DPH6: variants seen among roughly 807,000 people sequenced by gnomAD.
DPH6 encodes the protein diphthamine biosynthesis 6, also known as diphthine--ammonia ligase.
A neutral mutation model predicts 38.2 loss-of-function variants in DPH6; 33 were observed. The ratio of observed to expected loss-of-function variants is 0.86; its 90% CI spans 0.65 to 1.15. The LOEUF (loss-of-function observed/expected upper bound fraction) is 1.15. DPH6 is among the 50% of genes most tolerant of loss of function. The probability of loss-of-function intolerance (pLI) is 0.00; values close to 1 mark genes in which losing one functional copy is unlikely to be tolerated. For synonymous variants in DPH6, 108 were observed against 103.0 expected (o/e 1.05, Z -0.30); for missense variants, 325 against 320.0 (o/e 1.02, Z -0.12).
At chr15:35,426,691 A>T (rs2053574098) in intron 5 of DPH6, among the ~76,000 whole-genome samples, 2 of 151,792 alleles carry the variant, frequency 1.3e-5, no homozygotes, top group Non-Finnish European at 1.5e-5. Flanking sequence ...TGAGACTTCA[A>T]AAAGTATATG....
chr15:35,408,009 A>G (rs899747494), intron 6 of DPH6, among the ~76,000 whole-genome samples: 7 of 152,034 alleles, frequency 4.6e-5, no homozygotes, highest in African/African-American at 1.7e-4. Flanking sequence ...ATGGCAGGGC[A>G]ATGGTGGAAG....
chr15:35,420,591 A>G (rs377130126), intron 5 of DPH6, among the ~76,000 whole-genome samples: 1 of 152,152 alleles, frequency 6.6e-6, no homozygotes, highest in South Asian at 2.1e-4. Flanking sequence ...ACCTCAGCCC[A>G]CTGCAACCTC....
intron 3 of DPH6, among the ~76,000 whole-genome samples, chr15:35,525,019 T>C (rs1353545660): frequency 6.6e-6 from 1 of 152,186 alleles, no homozygotes; most frequent in African/African-American, 2.4e-5. Context: ...ATACTTCTTA[T>C]GGACAGGGCA....
In DPH6 at chr15:35,227,958, A is replaced by T. The variant is rs190514833; in HGVS notation, n.201-7376T>A. ...CCAAAATTTCTCATTATTGACTTCT[A>T]GTTTTATTCCATTGTGGTCACAGAA... On this transcript the variant is annotated intron_variant and non_coding_transcript_variant, in intron 3 of 3. Coordinates refer to the DPH6 transcript ENST00000560386. Among the ~76,000 whole-genome samples, 332 of 152,160 alleles carry T rather than the reference A, an allele frequency of 2.2e-3. 1 individual carries two copies. Among genetic ancestry groups the T allele is most frequent in the Non-Finnish European group, 3.7e-3 (249 of 67,982 alleles).
At chr15:35,335,130 G>C (rs2052359218) in intron 3 of DPH6, among the ~76,000 whole-genome samples, 1 of 152,134 alleles carries the variant, frequency 6.6e-6, no homozygotes, top group African/African-American at 2.4e-5. Flanking sequence ...CTGTGGTTTT[G>C]ATTTGCATTT....
intron 3 of DPH6, among the ~76,000 whole-genome samples, chr15:35,474,921 A>G (rs1215810644): frequency 2.6e-5 from 4 of 152,058 alleles, no homozygotes; most frequent in African/African-American, 9.7e-5. Context: ...AATTAAAGAA[A>G]TCAATAATAA....
At chr15:35,544,670 CAT>C (rs2055317511) in intron 1 of DPH6, among the ~76,000 whole-genome samples, 1 of 152,140 alleles carries the variant, frequency 6.6e-6, no homozygotes, top group Admixed American at 6.5e-5. Flanking sequence ...ATACTTACAG[CAT>C]ATGTCCTTAC....
intron 3 of DPH6, among the ~76,000 whole-genome samples, chr15:35,238,438 T>C (rs902998893): frequency 5.3e-5 from 8 of 152,188 alleles, no homozygotes; most frequent in African/African-American, 1.9e-4. Flanking sequence ...TAATTAGCTA[T>C]GCAAATAGTA....
At chr15:35,151,738 C>G in the DPH6 span, among the ~76,000 whole-genome samples, 2 of 152,046 alleles carry the variant, frequency 1.3e-5, no homozygotes, top group Non-Finnish European at 2.9e-5. Flanking sequence ...TGACCCTGAA[C>G]TAGAATAAGA....
downstream of DPH6, among the ~76,000 whole-genome samples, chr15:35,370,527 A>T (rs189771201): frequency 1.8e-3 from 270 of 151,898 alleles, 1 homozygote; most frequent in African/African-American, 6.0e-3. Flanking sequence ...TAGTCAAAAG[A>T]TCTGAAGAGA....
At chr15:35,523,630 ATGTTCTGTTGTTCTTT>A (rs777278654) in intron 3 of DPH6, among the ~76,000 whole-genome samples, 38 of 152,232 alleles carry the variant, frequency 2.5e-4, no homozygotes, top group Non-Finnish European at 5.0e-4. Flanking sequence ...ATCATCAGCA[ATGTTCTGTTGTTCTTT>A]TTACTGTTCT....
intron 3 of DPH6, among the ~76,000 whole-genome samples, chr15:35,480,638 A>C (rs1334688637): frequency 6.6e-6 from 1 of 152,088 alleles, no homozygotes; most frequent in East Asian, 1.9e-4. Flanking sequence ...ATTTTACATA[A>C]AGCATACTAA....
intron 3 of DPH6, among the ~76,000 whole-genome samples, chr15:35,360,710 AGAGGGTCCCTGGGAT>A (rs2052607031): frequency 6.6e-6 from 1 of 152,162 alleles, no homozygotes; most frequent in Non-Finnish European, 1.5e-5. Flanking sequence ...TGTATCTCCC[AGAGGGTCCCTGGGAT>A]GGCAGGACTG....
At chr15:35,284,801 A>ATTTTTTTT (rs71123127) in intron 3 of DPH6, among the ~76,000 whole-genome samples, 20 of 79,216 alleles carry the variant, frequency 2.5e-4, no homozygotes, top group African/African-American at 8.0e-4. Context: ...AAGTCTCCAA[A>ATTTTTTTT]TTTTTTTTTT....
At chr15:35,395,410 G>A (rs942367033) in intron 6 of DPH6, among the ~76,000 whole-genome samples, 1 of 152,128 alleles carries the variant, frequency 6.6e-6, no homozygotes, top group African/African-American at 2.4e-5. Context: ...TTTGGTTGGA[G>A]AGAATTCTGA....
At chr15:35,253,897 G>A (rs2051691153) in intron 3 of DPH6, among the ~76,000 whole-genome samples, 1 of 152,130 alleles carries the variant, frequency 6.6e-6, no homozygotes, top group Admixed American at 6.5e-5. Flanking sequence ...CCTTCAAACG[G>A]CATCAGATCT....
intron 3 of DPH6, among the ~76,000 whole-genome samples, chr15:35,279,291 A>G (rs773442311): frequency 6.6e-6 from 1 of 151,846 alleles, no homozygotes; most frequent in Non-Finnish European, 1.5e-5. Context: ...GAGACTTTGG[A>G]CTTGGGACTT....
chr15:35,152,686 A>G, the DPH6 span, among the ~76,000 whole-genome samples: 1 of 152,162 alleles, frequency 6.6e-6, no homozygotes, highest in Admixed American at 6.5e-5. Flanking sequence ...TTTAGTAGAG[A>G]CGAGGTTTCA....
intron 6 of DPH6, among the ~76,000 whole-genome samples, chr15:35,389,394 C>T (rs967894416): frequency 2.6e-5 from 4 of 152,094 alleles, no homozygotes; most frequent in Non-Finnish European, 2.9e-5. Flanking sequence ...CCAGGATATC[C>T]TTGTTAACTT....
Sources: gnomAD v4.1 joint callset for allele counts (sites outside exome capture counted in the v4.1 genomes callset) on GRCh38, gnomAD v4.1.1 for gene constraint, MANE v1.5 for transcripts, NCBI Gene and HGNC (gene_info 2026-07-23, HGNC 2026-07-21) for gene names.